Variants in ATG10 observed in about 807,000 individuals in gnomAD.
ATG10 encodes ubiquitin-like-conjugating enzyme ATG10.
In ATG10, 30 loss-of-function variants were observed where a neutral mutation model predicts 32.1. The observed-to-expected ratio is 0.94, with a 90% CI of 0.70 to 1.27. The LOEUF is 1.27. Among genes scored for constraint, ATG10 ranks in the 50% most tolerant of loss-of-function variants. The pLI is 0.00. For synonymous variants in ATG10, 87 were observed against 91.5 expected, an observed-to-expected ratio of 0.95 and a Z score of 0.28; for missense variants, 233 against 262.3, an observed-to-expected ratio of 0.89 and a Z score of 0.77.
chr5:82,028,123 A>G (rs1483763389), intron 2 of ATG10, among the ~76,000 whole-genome samples: 1 of 152,236 alleles, frequency 6.6e-6, no homozygotes, highest in Non-Finnish European at 1.5e-5. Flanking sequence ...TTTGAGGCCA[A>G]TAAAGAAAAG....
In ATG10 at chr5:82,200,674, A is replaced by T. The variant is rs1285138685; in HGVS notation, c.453+22087A>T. On this transcript the variant is annotated intron_variant, in intron 5 of 7. Coordinates refer to ENST00000282185, the MANE Select transcript of ATG10 (RefSeq NM_031482.5). ...CCATTTTAAACATTGGATTTTTTTT[A>T]AATTAGATTCTTTTATATTCTTATT... Among the ~76,000 whole-genome samples, 5 of 150,048 alleles carry T rather than the reference A, an allele frequency of 3.3e-5. 1 individual carries two copies. Among genetic ancestry groups the T allele is most frequent in the Non-Finnish European group, 5.9e-5 (4 of 67,522 alleles).
chr5:82,117,876 C>T (rs1765871720), intron 3 of ATG10, among the ~76,000 whole-genome samples: 1 of 152,054 alleles, frequency 6.6e-6, no homozygotes, highest in Non-Finnish European at 1.5e-5. Context: ...CTTTATTCTT[C>T]AGGCCAAATG....
chr5:81,981,799 C>T (rs1761054988), intron 1 of ATG10, among the ~76,000 whole-genome samples: 1 of 152,178 alleles, frequency 6.6e-6, no homozygotes, highest in African/African-American at 2.4e-5. Flanking sequence ...ATTAGTTCTA[C>T]ACACATTAGA....
intron 4 of ATG10, 129 bp downstream of exon 4, chr5:82,164,666 G>A: frequency 1.2e-6 from 1 of 855,058 alleles, no homozygotes; most frequent in Non-Finnish European, 1.8e-6. Flanking sequence ...GGTGAGGTAA[G>A]GTTTTACCAC....
At chr5:81,994,695 A>T (rs1480867821) in intron 2 of ATG10, among the ~76,000 whole-genome samples, 1 of 152,174 alleles carries the variant, frequency 6.6e-6, no homozygotes, top group African/African-American at 2.4e-5. Context: ...AATCAGTTTT[A>T]CCCTTGATAT....
intron 3 of ATG10, among the ~76,000 whole-genome samples, chr5:82,115,878 G>T (rs1765793003): frequency 6.6e-6 from 1 of 152,002 alleles, no homozygotes; most frequent in Non-Finnish European, 1.5e-5. Context: ...CCAGAGGAGA[G>T]GTAGCAGTAA....
chr5:82,037,987 CTT>C (rs1201948708), intron 2 of ATG10, among the ~76,000 whole-genome samples: 3 of 151,796 alleles, frequency 2.0e-5, no homozygotes, highest in Non-Finnish European at 1.5e-5. Context: ...TCTTTTTAGT[CTT>C]TATTTAGTAA....
At chr5:82,099,077 G>C (rs1471453325) in intron 3 of ATG10, among the ~76,000 whole-genome samples, 2 of 152,080 alleles carry the variant, frequency 1.3e-5, no homozygotes. Context: ...AGCTATCAGA[G>C]TGGTTCACAC....
intron 5 of ATG10, among the ~76,000 whole-genome samples, chr5:82,225,892 T>C (rs1746112500): frequency 6.6e-6 from 1 of 152,220 alleles, no homozygotes; most frequent in Non-Finnish European, 1.5e-5. Context: ...GATACTAACT[T>C]CTAGCTATGA....
intron 2 of ATG10, among the ~76,000 whole-genome samples, chr5:82,054,492 G>A (rs551761151): frequency 1.3e-5 from 2 of 152,276 alleles, no homozygotes; most frequent in South Asian, 2.1e-4. Context: ...ACCAGTCCAC[G>A]AGAGTCAATA....
chr5:82,016,132 G>C (rs1043784430), intron 2 of ATG10, among the ~76,000 whole-genome samples: 1 of 151,996 alleles, frequency 6.6e-6, no homozygotes, highest in Non-Finnish European at 1.5e-5. Flanking sequence ...TTTTCTTTTG[G>C]GTTCTTGGTC....
chr5:82,131,657 A>G (rs1455618009), intron 3 of ATG10, among the ~76,000 whole-genome samples: 1 of 141,180 alleles, frequency 7.1e-6, no homozygotes. Flanking sequence ...TTTTTTTTTG[A>G]TCACTTTCTA....
chr5:82,203,670 T>C (rs1036873124), intron 5 of ATG10, among the ~76,000 whole-genome samples: 1 of 152,176 alleles, frequency 6.6e-6, no homozygotes, highest in Non-Finnish European at 1.5e-5. Flanking sequence ...CTGTTTACCT[T>C]TATTATGATG....
chr5:82,250,149 A>G (rs1052465611), intron 5 of ATG10, among the ~76,000 whole-genome samples: 6 of 152,208 alleles, frequency 3.9e-5, no homozygotes, highest in African/African-American at 1.4e-4. Context: ...CCAGCTTTCT[A>G]AACAGTCATT....
chr5:81,997,805 T>C (rs1283557387), intron 2 of ATG10, among the ~76,000 whole-genome samples: 1 of 152,126 alleles, frequency 6.6e-6, no homozygotes, highest in African/African-American at 2.4e-5. Context: ...TGAAGACTGG[T>C]TCTTCAAAAT....
At chr5:82,076,904 C>T (rs1239937871) in intron 3 of ATG10, among the ~76,000 whole-genome samples, 2 of 152,144 alleles carry the variant, frequency 1.3e-5, no homozygotes, top group Non-Finnish European at 2.9e-5. Context: ...TTCAGATCGC[C>T]TAATTCTAAT....
intron 3 of ATG10, among the ~76,000 whole-genome samples, chr5:82,102,073 T>C (rs75170444): frequency 0.035 from 5,341 of 152,278 alleles, 131 homozygotes; most frequent in South Asian, 0.064. Flanking sequence ...CTGTGCCTTA[T>C]GACTTTTATT....
chr5:82,223,909 G>A (rs1746021690), intron 5 of ATG10, among the ~76,000 whole-genome samples: 2 of 152,136 alleles, frequency 1.3e-5, no homozygotes, highest in South Asian at 4.1e-4. Context: ...CGAGATAGGG[G>A]GATGAACCCA....
intron 5 of ATG10, among the ~76,000 whole-genome samples, chr5:82,207,381 A>G (rs1191862152): frequency 6.6e-6 from 1 of 152,118 alleles, no homozygotes; most frequent in Non-Finnish European, 1.5e-5. Context: ...GTGTATCATT[A>G]TAGTTTAAAT....
Sources: allele counts gnomAD v4.1 joint callset (sites outside exome capture counted in the v4.1 genomes callset), GRCh38; gene constraint gnomAD v4.1.1; transcripts MANE v1.5; gene names NCBI Gene and HGNC (gene_info 2026-07-23, HGNC 2026-07-21).